Variants in EMCN observed in about 807,000 individuals in gnomAD.
EMCN encodes the protein MUC-14.
A neutral mutation model predicts 38.4 loss-of-function variants in EMCN; 37 were observed. The ratio of observed to expected loss-of-function variants is 0.96; its 90% CI spans 0.74 to 1.27. The LOEUF (loss-of-function observed/expected upper bound fraction) is 1.27. Ranked by LOEUF, EMCN falls within the 50% of genes most tolerant of loss-of-function variation. The probability of loss-of-function intolerance (pLI) is 0.00; values close to 1 mark genes in which losing one functional copy is unlikely to be tolerated. For synonymous variants in EMCN, 95 were observed against 100.8 expected (o/e 0.94, Z 0.35); for missense variants, 318 against 302.8 (o/e 1.05, Z -0.37).
intron 1 of EMCN, among the ~76,000 whole-genome samples, chr4:100,481,241 C>G (rs992833): frequency 0.17 from 25,109 of 151,962 alleles, 3,467 homozygotes; most frequent in East Asian, 0.72. Context: ...TATGACTTCT[C>G]AAATTTAAAT....
chr4:100,476,666 A>G (rs1394253921), intron 2 of EMCN, among the ~76,000 whole-genome samples: 2 of 152,234 alleles, frequency 1.3e-5, no homozygotes, highest in African/African-American at 2.4e-5. Flanking sequence ...TTTCCAAAAC[A>G]ATCTTTGAGA....
At chr4:100,465,325 G>T in intron 4 of EMCN, 98 bp downstream of exon 4, 1 of 672,110 alleles carries the variant, frequency 1.5e-6, no homozygotes, top group Non-Finnish European at 2.6e-6. Flanking sequence ...AATTTAAGCA[G>T]AGCATAATTC....
chr4:100,517,947 T>A lies in EMCN; in HGVS notation c.-33A>T, dbSNP rs1228446288. On this transcript the variant is annotated 5_prime_UTR_variant, in exon 1 of 12. Coordinates refer to ENST00000296420, the MANE Select transcript of EMCN (RefSeq NM_016242.4). The stretch of plus-strand genomic sequence containing the variant: ...GTAGATGGTGTCAATATCTTCTTTC[T>A]CCAGAAGCAGGCAGGGACAATTCCC... The A allele has an allele frequency of 6.2e-7, 1 of 1,608,678 alleles. No individual in the cohort carries two copies. The highest frequency in any genetic ancestry group is 1.7e-5 in the Admixed American group (1 of 59,896).
chr4:100,472,451 A>G (rs533907039), intron 3 of EMCN, among the ~76,000 whole-genome samples: 33 of 152,244 alleles, frequency 2.2e-4, no homozygotes, highest in African/African-American at 7.7e-4. Flanking sequence ...AAACATCATC[A>G]AAATAAATTG....
intron 5 of EMCN, among the ~76,000 whole-genome samples, chr4:100,433,346 T>G (rs1235278134): frequency 6.6e-6 from 1 of 152,210 alleles, no homozygotes; most frequent in Non-Finnish European, 1.5e-5. Flanking sequence ...ATATTATTCT[T>G]TATCCATTCA....
chr4:100,474,762 G>A (rs542103907), intron 3 of EMCN, among the ~76,000 whole-genome samples: 6 of 152,248 alleles, frequency 3.9e-5, no homozygotes, highest in African/African-American at 1.4e-4. Flanking sequence ...GTCATATATT[G>A]TATGATTCCA....
Position 100,445,163 on chromosome 4 carries a change from G to A in EMCN, c.415+2370C>T, listed in dbSNP as rs185542222. On this transcript the variant is annotated intron_variant, in intron 5 of 11. Transcript: ENST00000296420. ...TTCCTTTAGTTATTTTGATCAAGAT[G>A]TAGTTGCTTATTCATTATTTTTAGT... 2.5e-3 allele frequency among the ~76,000 whole-genome samples: 386 copies of A among 152,250 alleles called. No individual in the cohort carries two copies. In the Middle Eastern group the frequency reaches 0.031, roughly 12 times the overall value.
intron 1 of EMCN, among the ~76,000 whole-genome samples, chr4:100,492,098 T>C (rs901259197): frequency 6.6e-6 from 1 of 152,080 alleles, no homozygotes; most frequent in Non-Finnish European, 1.5e-5. Flanking sequence ...AGTAATTCTC[T>C]TGAAGAAGTT....
At chr4:100,470,714 T>A (rs192315393) in intron 3 of EMCN, among the ~76,000 whole-genome samples, 2 of 152,096 alleles carry the variant, frequency 1.3e-5, no homozygotes, top group African/African-American at 4.8e-5. Flanking sequence ...TAAAAAAGAA[T>A]GAGATCATGT....
intron 11 of EMCN, among the ~76,000 whole-genome samples, chr4:100,409,937 T>C (rs1019198016): frequency 1.3e-5 from 2 of 152,236 alleles, no homozygotes; most frequent in Non-Finnish European, 2.9e-5. Context: ...TGCCAGTCTT[T>C]GTCAGCAACA....
intron 5 of EMCN, among the ~76,000 whole-genome samples, chr4:100,442,004 G>T: frequency 6.6e-6 from 1 of 152,218 alleles, no homozygotes; most frequent in Non-Finnish European, 1.5e-5. Flanking sequence ...TATGTCATAT[G>T]TATTTATAAT....
chr4:100,403,845 T>C (rs1204391681), intron 11 of EMCN, among the ~76,000 whole-genome samples: 1 of 152,148 alleles, frequency 6.6e-6, no homozygotes, highest in Non-Finnish European at 1.5e-5. Context: ...CACTTTTGCA[T>C]ATGCTTGTTG....
intron 3 of EMCN, among the ~76,000 whole-genome samples, chr4:100,468,546 A>C (rs1032002155): frequency 6.6e-6 from 1 of 152,120 alleles, no homozygotes; most frequent in Non-Finnish European, 1.5e-5. Flanking sequence ...ACTTTGTCTT[A>C]AGAAATAGAA....
chr4:100,447,874 A>G (rs543340402), intron 4 of EMCN, among the ~76,000 whole-genome samples: 1 of 152,250 alleles, frequency 6.6e-6, no homozygotes, highest in Admixed American at 6.5e-5. Flanking sequence ...CACAGTATCT[A>G]AAGAATGGGA....
At chr4:100,430,005 T>C (rs903663270) in intron 5 of EMCN, among the ~76,000 whole-genome samples, 1 of 152,190 alleles carries the variant, frequency 6.6e-6, no homozygotes, top group African/African-American at 2.4e-5. Context: ...TCATTATCAA[T>C]GGAATCAATA....
intron 8 of EMCN, among the ~76,000 whole-genome samples, chr4:100,420,848 G>T (rs187518413): frequency 8.6e-5 from 13 of 151,978 alleles, no homozygotes; most frequent in Admixed American, 2.0e-4. Context: ...ACTTTCGTTG[G>T]GTGTGTCTCC....
At chr4:100,446,490 A>G (rs1727676139) in intron 5 of EMCN, among the ~76,000 whole-genome samples, 1 of 152,108 alleles carries the variant, frequency 6.6e-6, no homozygotes, top group African/African-American at 2.4e-5. Flanking sequence ...GAGCACCCAT[A>G]ATTTTTAGTG....
chr4:100,439,214 A>G (rs1210325941), intron 5 of EMCN, among the ~76,000 whole-genome samples: 1 of 152,050 alleles, frequency 6.6e-6, no homozygotes, highest in Non-Finnish European at 1.5e-5. Context: ...GTTTGGTAGA[A>G]TTCAGCTTTT....
chr4:100,455,119 C>T (rs903915259), intron 4 of EMCN, among the ~76,000 whole-genome samples: 2 of 151,432 alleles, frequency 1.3e-5, no homozygotes, highest in South Asian at 4.2e-4. Context: ...TTCTTTTTTT[C>T]TTGTTTATTG....
Sources: allele counts gnomAD v4.1 joint callset (sites outside exome capture counted in the v4.1 genomes callset), GRCh38; gene constraint gnomAD v4.1.1; transcripts MANE v1.5; gene names NCBI Gene and HGNC (gene_info 2026-07-23, HGNC 2026-07-21).